SORCS2: variants seen among roughly 807,000 people sequenced by gnomAD.
SORCS2 encodes sortilin related VPS10 domain containing receptor 2.
A neutral mutation model predicts 141.6 loss-of-function variants in SORCS2; 100 were observed. That is an observed-to-expected ratio of 0.71 (90% CI 0.60 to 0.83). SORCS2 has a LOEUF of 0.83. SORCS2 is among the 40% of genes least tolerant of loss of function. The pLI, the probability that SORCS2 is intolerant of heterozygous loss-of-function variation, is 0.00. For synonymous variants in SORCS2, 789 were observed against 676.9 expected (o/e 1.17, Z -2.57); for missense variants, 1,646 against 1,560.2 (o/e 1.05, Z -0.93).
At chr4:7,336,264 A>C (rs1024224904) in intron 1 of SORCS2, among the ~76,000 whole-genome samples, 1 of 152,036 alleles carries the variant, frequency 6.6e-6, no homozygotes, top group African/African-American at 2.4e-5. Context: ...TGCTCTGCTG[A>C]AGGGAGGAGA....
At chr4:7,680,758 G>A (rs10027023) in intron 9 of SORCS2, among the ~76,000 whole-genome samples, 57,214 of 152,008 alleles carry the variant, frequency 0.38, 11,064 homozygotes, top group African/African-American at 0.41. Flanking sequence ...AAGACCTGGT[G>A]GGTCCCAAGG....
At chr4:7,520,192 C>T (rs751506893) in intron 2 of SORCS2, among the ~76,000 whole-genome samples, 4 of 152,142 alleles carry the variant, frequency 2.6e-5, no homozygotes, top group Admixed American at 1.3e-4. Context: ...GCCACGTGCA[C>T]GCCTGGTCTG....
intron 2 of SORCS2, among the ~76,000 whole-genome samples, chr4:7,404,034 A>T (rs990564744): frequency 2.9e-5 from 4 of 136,462 alleles, no homozygotes; most frequent in Admixed American, 1.6e-4. Context: ...TATGAGTGAG[A>T]ACATGTGGTA....
Position 7,193,071 on chromosome 4 carries a change from A to C in SORCS2, c.425A>C (p.Lys142Thr), listed in dbSNP as rs754203582. Residue 142 changes from lysine to threonine, a missense_variant, in exon 1 of 27, where the codon AAG becomes ACG. Transcript: ENST00000507866. This position sits in a 1 kb window ranked among gnomAD's most constrained non-coding sequence, Gnocchi z 4.8. The stretch of plus-strand genomic sequence containing the variant: ...CTCATCAGCACGTCGTTCGTGCTCA[A>C]GGGGGACGCGACGCACAACCAGGCG... The part of the protein sequence containing the change: ...VSLISTSFVL[K>T]GDATHNQAMV... The C allele has an allele frequency of 1.0e-5, 16 of 1,558,584 alleles. No individual in the cohort carries two copies. Among genetic ancestry groups the C allele is most frequent in the Non-Finnish European group, 1.3e-5 (15 of 1,162,256 alleles).
intron 2 of SORCS2, among the ~76,000 whole-genome samples, chr4:7,525,217 C>T (rs1037445962): frequency 2.0e-5 from 3 of 152,150 alleles, no homozygotes; most frequent in South Asian, 2.1e-4. Flanking sequence ...GGGCAAGAGG[C>T]TTCTGGGAAG....
At chr4:7,696,239 G>T (rs1256465020) in intron 11 of SORCS2, among the ~76,000 whole-genome samples, 1 of 152,054 alleles carries the variant, frequency 6.6e-6, no homozygotes, top group Non-Finnish European at 1.5e-5. Context: ...GGGCCTCTGG[G>T]GCCCCAGAAC....
chr4:7,192,702 C>A lies in SORCS2; in HGVS notation c.56C>A (p.Ala19Asp), dbSNP rs1032192515. 4.0e-3 allele frequency: 3,927 copies of A among 989,472 alleles called. 10 individuals are homozygous for A. The highest frequency in any genetic ancestry group is 4.5e-3 in the Non-Finnish European group (3,777 of 834,124). The allele number at this position is 989,472 out of a possible 1,614,324, so 61.3% of individuals were successfully genotyped here. ...ASKGPGPTAR[A>D]PSPGAPPPPR... ...AAGGGCCCCGGCCCCACCGCCCGAG[C>A]CCCGAGCCCCGGGGCTCCGCCGCCG... Residue 19 changes from alanine to aspartate, a missense_variant, in exon 1 of 27, where the codon GCC (alanine) becomes GAC (aspartate). Ala to Asp is a moderately radical substitution (Grantham distance 126). Coordinates refer to ENST00000507866, the MANE Select transcript of SORCS2 (RefSeq NM_020777.3). The surrounding 1 kb of genome is among the most constrained non-coding windows in gnomAD (Gnocchi z 4.0).
At chr4:7,456,384 G>C (rs958999946) in intron 2 of SORCS2, among the ~76,000 whole-genome samples, 2 of 152,226 alleles carry the variant, frequency 1.3e-5, no homozygotes, top group African/African-American at 4.8e-5. Context: ...AGCCACCAAA[G>C]AGTTGGTCTC....
chr4:7,253,561 CA>C (rs1321874917), intron 1 of SORCS2, among the ~76,000 whole-genome samples: 1 of 152,154 alleles, frequency 6.6e-6, no homozygotes, highest in East Asian at 1.9e-4. Flanking sequence ...AGGAGGTGTC[CA>C]GGGGGCAGGT....
chr4:7,231,609 G>C (rs1711894633), intron 1 of SORCS2, among the ~76,000 whole-genome samples: 1 of 152,188 alleles, frequency 6.6e-6, no homozygotes, highest in Non-Finnish European at 1.5e-5. Flanking sequence ...TACACTGTGT[G>C]GTGCACTGGG....
intron 1 of SORCS2, among the ~76,000 whole-genome samples, chr4:7,313,360 C>T (rs1297243284): frequency 2.0e-5 from 3 of 152,214 alleles, no homozygotes; most frequent in Admixed American, 6.5e-5. Flanking sequence ...GCGCAGTCCT[C>T]CTCCTAAAGC....
rs141712777 is a variant in SORCS2 at position 7,445,590 on chromosome 4, G to A, written c.548+49235G>A. On this transcript the variant is annotated intron_variant, in intron 2 of 26. Transcript: ENST00000507866. ...CTTGGCTTCTGTTCAGAAGCTGGGC[G>A]CTGAAGGCAGAACAGGGCGGGATGG... Among the ~76,000 whole-genome samples the A allele has an allele frequency of 5.9e-5, 9 of 152,304 alleles. No individual in the cohort carries two copies. In the East Asian group the frequency reaches 9.7e-4, roughly 16 times the overall value.
intron 1 of SORCS2, among the ~76,000 whole-genome samples, chr4:7,331,951 C>A (rs957553103): frequency 6.6e-6 from 1 of 152,180 alleles, no homozygotes; most frequent in Non-Finnish European, 1.5e-5. Flanking sequence ...CTGTATCCAG[C>A]GTCCGCCCTC....
At chr4:7,515,729 C>T (rs1249392183) in intron 2 of SORCS2, among the ~76,000 whole-genome samples, 1 of 152,230 alleles carries the variant, frequency 6.6e-6, no homozygotes, top group African/African-American at 2.4e-5. Flanking sequence ...GGGGCTCAGT[C>T]TGTTTCATCA....
chr4:7,331,700 A>T lies in SORCS2; in HGVS notation c.481-64588A>T, dbSNP rs190408374. On this transcript the variant is annotated intron_variant, in intron 1 of 26. Coordinates refer to ENST00000507866, the MANE Select transcript of SORCS2 (RefSeq NM_020777.3). ...CATTCTGATTCAGTGGGTCGGGGTG[A>T]AGCAGGAAAGTCTGTTTCTAACGAG... 5.3e-3 allele frequency among the ~76,000 whole-genome samples: 808 copies of T among 152,258 alleles called. 8 individuals are homozygous for T. Among genetic ancestry groups the T allele is most frequent in the Non-Finnish European group, 5.6e-3 (381 of 67,990 alleles).
intron 4 of SORCS2, among the ~76,000 whole-genome samples, chr4:7,640,428 G>A (rs895645072): frequency 2.2e-5 from 3 of 134,720 alleles, no homozygotes; most frequent in African/African-American, 8.2e-5. Context: ...GTGATCGTGT[G>A]TGTGAGTCTA....
chr4:7,512,498 C>A (rs1732726208), intron 2 of SORCS2, among the ~76,000 whole-genome samples: 1 of 151,988 alleles, frequency 6.6e-6, no homozygotes, highest in African/African-American at 2.4e-5. Flanking sequence ...GGTGGCCAAC[C>A]AGCAAGGAAC....
At chr4:7,578,721 C>T (rs188678999) in intron 3 of SORCS2, among the ~76,000 whole-genome samples, 33 of 152,298 alleles carry the variant, frequency 2.2e-4, no homozygotes, top group East Asian at 9.6e-4. Flanking sequence ...CCCGACTTGA[C>T]GGCTTTGACA....
In SORCS2 at chr4:7,193,154, G is replaced by C; in HGVS notation, c.480+28G>C. 6.7e-7 allele frequency: 1 copy of C among 1,488,066 alleles called. No homozygotes were observed. Among genetic ancestry groups the C allele is most frequent in the Non-Finnish European group, 8.9e-7 (1 of 1,126,838 alleles). 92.2% of individuals were successfully genotyped at this position (1,488,066 alleles called of 1,614,324 possible). On this transcript the variant is annotated intron_variant, in intron 1 of 26. Coordinates refer to ENST00000507866, the MANE Select transcript of SORCS2 (RefSeq NM_020777.3). The surrounding 1 kb of genome is among the most constrained non-coding windows in gnomAD (Gnocchi z 4.8). ...AAGTGACCTCCACGCGCTCGCCGCG[G>C]CCCCTACCCGGGACACCGCGGGACA...
Sources: allele counts gnomAD v4.1 joint callset (sites outside exome capture counted in the v4.1 genomes callset), GRCh38; gene constraint gnomAD v4.1.1; non-coding constraint Gnocchi (gnomAD v3.1); transcripts MANE v1.5; gene names NCBI Gene and HGNC (gene_info 2026-07-23, HGNC 2026-07-21).